Variants in MCPH1 observed in about 807,000 individuals in gnomAD.
MCPH1 encodes the protein microcephalin.
A neutral mutation model predicts 84.5 loss-of-function variants in MCPH1; 104 were observed. That is an observed-to-expected ratio of 1.23 (90% CI 1.05 to 1.45). The LOEUF is 1.45. Ranked by LOEUF, MCPH1 falls within the 40% of genes most tolerant of loss-of-function variation. The pLI is 0.00. For synonymous variants in MCPH1, 514 were observed against 366.8 expected, an observed-to-expected ratio of 1.40 and a Z score of -4.58; for missense variants, 1,498 against 1,005.7, an observed-to-expected ratio of 1.49 and a Z score of -6.62.
At chr8:6,566,154 T>C (rs893522191) in intron 12 of MCPH1, among the ~76,000 whole-genome samples, 3 of 152,270 alleles carry the variant, frequency 2.0e-5, no homozygotes, top group Admixed American at 2.0e-4. Context: ...GAATTTCTTG[T>C]AATTTTCACA....
chr8:6,585,070 C>T (rs1205402111), intron 12 of MCPH1, among the ~76,000 whole-genome samples: 3 of 152,236 alleles, frequency 2.0e-5, no homozygotes, highest in South Asian at 2.1e-4. Context: ...AAACTATTCT[C>T]TAGCAGTTCG....
intron 3 of MCPH1, among the ~76,000 whole-genome samples, chr8:6,430,237 T>G (rs912287008): frequency 1.3e-5 from 2 of 152,224 alleles, no homozygotes; most frequent in African/African-American, 2.4e-5. Flanking sequence ...TTTTTTAAAT[T>G]TGTACATTTT....
At chr8:6,548,562 C>T (rs1823025455) in intron 12 of MCPH1, among the ~76,000 whole-genome samples, 1 of 152,216 alleles carries the variant, frequency 6.6e-6, no homozygotes, top group Admixed American at 6.5e-5. Context: ...ACCAGCCAAA[C>T]TTGCAAGGCA....
chr8:6,608,782 G>A (rs552636026), intron 12 of MCPH1, among the ~76,000 whole-genome samples: 103 of 152,290 alleles, frequency 6.8e-4, no homozygotes, highest in African/African-American at 2.3e-3. Flanking sequence ...TGAGAACCAC[G>A]GGCATGGTAA....
chr8:6,500,917 T>C (rs1812049015), intron 12 of MCPH1: 1 of 152,208 alleles, frequency 6.6e-6, no homozygotes, highest in Non-Finnish European at 1.5e-5. Flanking sequence ...TTGTTGCCAG[T>C]TTTTCCTGCA....
intron 11 of MCPH1, among the ~76,000 whole-genome samples, chr8:6,497,952 A>G (rs1049313541): frequency 2.0e-5 from 3 of 152,218 alleles, no homozygotes; most frequent in East Asian, 1.9e-4. Flanking sequence ...TGTTCAAAGA[A>G]CTCTCAATGC....
intron 8 of MCPH1, among the ~76,000 whole-genome samples, chr8:6,450,090 A>C (rs1180130381): frequency 1.3e-5 from 2 of 152,200 alleles, no homozygotes; most frequent in Non-Finnish European, 2.9e-5. Context: ...AGCACCTTGT[A>C]CATACGTGTT....
At position 6,448,663 on chromosome 8, in the gene MCPH1, A is replaced by G. The variant is rs117795042; in HGVS notation, c.1825+3116A>G. 1.2e-3 allele frequency among the ~76,000 whole-genome samples: 183 copies of G among 152,352 alleles called. 3 individuals are homozygous for G. In the East Asian group the frequency reaches 0.029, roughly 25 times the overall value. On this transcript the variant is annotated intron_variant, in intron 8 of 13. Transcript: ENST00000344683. ...TCTACAAGCATACAACTGCAAATAG[A>G]TATTTTAAGAGAATTTTTTGCATGC...
At chr8:6,485,658 T>G (rs1008361063) in intron 11 of MCPH1, among the ~76,000 whole-genome samples, 1 of 152,240 alleles carries the variant, frequency 6.6e-6, no homozygotes, top group African/African-American at 2.4e-5. Flanking sequence ...CTTGCCTTAC[T>G]GATGATGTCG....
At chr8:6,497,743 C>A (rs1234585341) in intron 11 of MCPH1, among the ~76,000 whole-genome samples, 9 of 152,140 alleles carry the variant, frequency 5.9e-5, no homozygotes, top group Non-Finnish European at 1.3e-4. Flanking sequence ...GTACCTTCCT[C>A]TTAATTTTGC....
At chr8:6,422,300 G>A (rs533581473) in intron 3 of MCPH1, among the ~76,000 whole-genome samples, 4 of 151,918 alleles carry the variant, frequency 2.6e-5, no homozygotes, top group African/African-American at 4.8e-5. Context: ...GTTAAGTGGC[G>A]TAGAGATACT....
At chr8:6,526,014 G>A (rs1346023541) in intron 12 of MCPH1, among the ~76,000 whole-genome samples, 10 of 152,196 alleles carry the variant, frequency 6.6e-5, no homozygotes, top group Admixed American at 5.9e-4. Flanking sequence ...CATATCCTAG[G>A]TTTGTCACGG....
rs926011484 is a variant in MCPH1 at position 6,458,679 on chromosome 8, C to T, written c.1935+3427C>T. 1.3e-5 allele frequency among the ~76,000 whole-genome samples: 2 copies of T among 152,076 alleles called. 1 individual carries two copies. Among genetic ancestry groups the T allele is most frequent in the African/African-American group, 4.8e-5 (2 of 41,408 alleles). ...TATTTTTCTGAGATGGAGTATCACT[C>T]TGATGCCCAGGCTAGAGTGTACTGG... On this transcript the variant is annotated intron_variant, in intron 9 of 13. Transcript: ENST00000344683.
intron 12 of MCPH1, chr8:6,508,474 G>C (rs3020211): frequency 0.084 from 15,556 of 185,868 alleles, 839 homozygotes; most frequent in African/African-American, 0.16. Flanking sequence ...GACTGTGTCT[G>C]TAAATAAATA....
chr8:6,582,819 G>T (rs1315964363), intron 12 of MCPH1, among the ~76,000 whole-genome samples: 1 of 152,170 alleles, frequency 6.6e-6, no homozygotes, highest in African/African-American at 2.4e-5. Context: ...TGAGCTCTGT[G>T]GCTTTTGCTC....
intron 12 of MCPH1, among the ~76,000 whole-genome samples, chr8:6,545,126 T>C (rs1171647078): frequency 1.3e-5 from 2 of 151,858 alleles, no homozygotes; most frequent in African/African-American, 4.8e-5. Context: ...AGCTCAAGAA[T>C]GGACCGAACT....
rs369741649 is a variant in MCPH1, at chr8:6,445,133, G to A, written c.1411G>A (p.Val471Ile). The A allele has an allele frequency of 1.2e-5, 20 of 1,614,144 alleles. No individual in the cohort carries two copies. In the African/African-American group the frequency reaches 2.7e-4, roughly 22 times the overall value. The change falls in exon 8 of 14, where the codon GTT becomes ATT. Residue 471 changes from valine (V) to isoleucine (I), a missense_variant. Transcript: ENST00000344683. ...FSCVGKKTRT[V>I]DITNFTAKTI... Reference sequence around the variant, plus strand: ...CTGCGTTGGCAAAAAAACCAGAACAGTTGACATTACCAATTTCACAGCAAA... The same window carrying A: ...CTGCGTTGGCAAAAAAACCAGAACAATTGACATTACCAATTTCACAGCAAA...
At chr8:6,435,163 G>A (rs1435978354) in intron 4 of MCPH1, among the ~76,000 whole-genome samples, 2 of 152,052 alleles carry the variant, frequency 1.3e-5, no homozygotes, top group African/African-American at 4.8e-5. Flanking sequence ...ATTTAATGAC[G>A]GTAGGGCAAG....
At chr8:6,440,869 G>C (rs768172418) in intron 6 of MCPH1, among the ~76,000 whole-genome samples, 1 of 152,200 alleles carries the variant, frequency 6.6e-6, no homozygotes, top group Non-Finnish European at 1.5e-5. Context: ...ACAATCGATA[G>C]AATTGCCTTT....
Sources: allele counts gnomAD v4.1 joint callset (sites outside exome capture counted in the v4.1 genomes callset), GRCh38; gene constraint gnomAD v4.1.1; transcripts MANE v1.5; gene names NCBI Gene and HGNC (gene_info 2026-07-23, HGNC 2026-07-21).